Variants in BCAS3 observed in about 807,000 individuals in gnomAD.
BCAS3 encodes BCAS4/BCAS3 fusion.
Under a neutral mutation model 116.1 loss-of-function variants are expected in BCAS3, and 53 were observed. That is an observed-to-expected ratio of 0.46 (90% CI 0.37 to 0.57). BCAS3 has a LOEUF of 0.57. Ranked by LOEUF, BCAS3 falls within the 20% of genes least tolerant of loss-of-function variation. BCAS3 has a pLI of 0.00. For missense variants in BCAS3, 917 were observed against 1,165.4 expected, an observed-to-expected ratio of 0.79 and a Z score of 3.10; for synonymous variants, 391 against 408.2, an observed-to-expected ratio of 0.96 and a Z score of 0.51.
chr17:60,737,038 C>T (rs935645772), intron 5 of BCAS3, among the ~76,000 whole-genome samples: 2 of 152,082 alleles, frequency 1.3e-5, no homozygotes, highest in Admixed American at 6.6e-5. Flanking sequence ...CTCCCAGGTT[C>T]AAGCGGTTCT....
rs1038724802 is a variant in BCAS3, at chr17:61,377,709, C to T, written c.2593+9215C>T. 6.6e-6 allele frequency: 1 copy of T among 152,224 alleles called. No individual in the cohort carries two copies. Among genetic ancestry groups the T allele is most frequent in the Non-Finnish European group, 1.5e-5 (1 of 68,076 alleles). 9.4% of individuals were successfully genotyped at this position (152,224 alleles called of 1,614,324 possible). ...CACTCGGTCTCTCTCTTTTACTCCTCTCCACGATAGCAGTGGCCACACCTC... is the reference window on the plus strand; with the variant it reads ...CACTCGGTCTCTCTCTTTTACTCCTTTCCACGATAGCAGTGGCCACACCTC... On this transcript the variant is annotated intron_variant, in intron 23 of 23. Transcript: ENST00000407086. This position sits in a 1 kb window ranked among gnomAD's most constrained non-coding sequence, Gnocchi z 4.6.
rs56059254 is a variant in BCAS3 at position 61,242,844 on chromosome 17, T to TAA, written c.2426-125475_2426-125474dup. Among the ~76,000 whole-genome samples, 1,103 of 149,498 alleles carry TAA rather than the reference T, an allele frequency of 7.4e-3. 14 individuals carry two copies. Among genetic ancestry groups the TAA allele is most frequent in the African/African-American group, 0.024 (965 of 40,836 alleles). On this transcript the variant is annotated intron_variant, in intron 22 of 23. Coordinates refer to ENST00000407086, the MANE Select transcript of BCAS3 (RefSeq NM_017679.5). ...CCAATTTCTTCCAAATGGAATTCTT[T>TAA]AAAAAAAAACAAAAAAACCCAAAAA...
intron 16 of BCAS3, among the ~76,000 whole-genome samples, chr17:61,022,310 C>T (rs1365261623): frequency 1.3e-5 from 2 of 152,042 alleles, no homozygotes; most frequent in African/African-American, 4.8e-5. Context: ...AGAGCAGTGG[C>T]GTGATCTTGG....
intron 14 of BCAS3, among the ~76,000 whole-genome samples, chr17:60,980,080 C>T (rs2062698738): frequency 6.6e-6 from 1 of 152,066 alleles, no homozygotes; most frequent in African/African-American, 2.4e-5. Context: ...GGTACCAGTT[C>T]CTCCTTGTAC....
In BCAS3 at chr17:61,098,820, C is replaced by T. The variant is rs1454770028; in HGVS notation, c.2425+14256C>T. The stretch of plus-strand genomic sequence containing the variant: ...GTGGATCCTGATTGTTCTGTTACTG[C>T]TTGGCTTAAGATACCCCTGGATGGG... On this transcript the variant is annotated intron_variant, in intron 22 of 23. Coordinates refer to ENST00000407086, the MANE Select transcript of BCAS3 (RefSeq NM_017679.5). The surrounding 1 kb of genome is among the most constrained non-coding windows in gnomAD (Gnocchi z 4.2). Among the ~76,000 whole-genome samples the T allele has an allele frequency of 6.6e-6, 1 of 151,782 alleles. No homozygotes were observed.
chr17:61,247,532 C>G (rs2048064492), intron 22 of BCAS3, among the ~76,000 whole-genome samples: 1 of 152,084 alleles, frequency 6.6e-6, no homozygotes, highest in African/African-American at 2.4e-5. Flanking sequence ...TGTTCTTTGT[C>G]CATTTAGTTA....
chr17:61,147,000 G>A (rs1042593770), intron 22 of BCAS3, among the ~76,000 whole-genome samples: 3 of 150,770 alleles, frequency 2.0e-5, no homozygotes, highest in Non-Finnish European at 4.4e-5. Flanking sequence ...CTGCAGCCTC[G>A]ACCTCCCAGG....
chr17:61,162,042 G>A lies in BCAS3; in HGVS notation c.2425+77478G>A, dbSNP rs1046941038. The stretch of plus-strand genomic sequence containing the variant: ...AATGTAGAGCTGATTTATATTTATA[G>A]GCTGGTTGTAGATTTGGTTGATAGA... On this transcript the variant is annotated intron_variant, in intron 22 of 23. Coordinates refer to ENST00000407086, the MANE Select transcript of BCAS3 (RefSeq NM_017679.5). The surrounding 1 kb of genome is among the most constrained non-coding windows in gnomAD (Gnocchi z 5.6). Among the ~76,000 whole-genome samples the A allele has an allele frequency of 4.6e-5, 7 of 152,184 alleles. No homozygotes were observed. The highest frequency in any genetic ancestry group is 1.7e-4 in the African/African-American group (7 of 41,450).
chr17:60,710,710 T>A (rs7221899), intron 5 of BCAS3, among the ~76,000 whole-genome samples: 2 of 151,716 alleles, frequency 1.3e-5, no homozygotes, highest in East Asian at 3.9e-4. Context: ...GGATTACAGG[T>A]GTGAGCCACC....
Position 60,990,247 on chromosome 17 carries a change from T to G in BCAS3, c.1486+12T>G. The G allele has an allele frequency of 6.2e-7, 1 of 1,610,042 alleles. No individual in the cohort carries two copies. Among genetic ancestry groups the G allele is most frequent in the Non-Finnish European group, 8.5e-7 (1 of 1,176,794 alleles). Reference sequence around the variant, plus strand: ...GTCACCCTTGCATGGTAATTTTCTCTGTCTCCACTGTTATCTTGAATCTTC... The same window carrying G: ...GTCACCCTTGCATGGTAATTTTCTCGGTCTCCACTGTTATCTTGAATCTTC... On this transcript the variant is annotated intron_variant, in intron 15 of 23. Transcript: ENST00000407086. This position sits in a 1 kb window ranked among gnomAD's most constrained non-coding sequence, Gnocchi z 5.1.
intron 7 of BCAS3, among the ~76,000 whole-genome samples, chr17:60,841,912 G>T (rs565286295): frequency 6.6e-6 from 1 of 152,204 alleles, no homozygotes; most frequent in South Asian, 2.1e-4. Flanking sequence ...TAGTGATGGT[G>T]TTTGGGGAGA....
At chr17:60,799,708 CTTTTTTTTT>C (rs67510415) in intron 6 of BCAS3, among the ~76,000 whole-genome samples, 3 of 49,838 alleles carry the variant, frequency 6.0e-5, no homozygotes, top group African/African-American at 1.6e-4. Context: ...TTTTTCTTTT[CTTTTTTTTT>C]TTTTTTTTTT....
At chr17:61,090,057 A>G (rs995732561) in intron 22 of BCAS3, among the ~76,000 whole-genome samples, 5 of 152,118 alleles carry the variant, frequency 3.3e-5, no homozygotes, top group Admixed American at 2.0e-4. Context: ...CTTCATAATC[A>G]TGGTCTTGAA....
rs960274186 is a variant in BCAS3, at chr17:61,136,733, A to G, written c.2425+52169A>G. Among the ~76,000 whole-genome samples the G allele has an allele frequency of 1.8e-4, 27 of 152,022 alleles. No homozygotes were observed. The highest frequency in any genetic ancestry group is 3.4e-4 in the Non-Finnish European group (23 of 68,008). ...TGCCACCACACGCAGCTAATTTTGC[A>G]TTTTTAGTAGAGATGGGGTTTTGCC... On this transcript the variant is annotated intron_variant, in intron 22 of 23. Coordinates refer to ENST00000407086, the MANE Select transcript of BCAS3 (RefSeq NM_017679.5). The surrounding 1 kb of genome is among the most constrained non-coding windows in gnomAD (Gnocchi z 4.4).
intron 4 of BCAS3, among the ~76,000 whole-genome samples, chr17:60,704,753 G>A (rs2036887799): frequency 1.3e-5 from 2 of 151,634 alleles, no homozygotes; most frequent in South Asian, 4.2e-4. Context: ...CAGGAGAATC[G>A]CTTGGACCAG....
At chr17:60,782,918 T>C (rs570878581) in intron 6 of BCAS3, among the ~76,000 whole-genome samples, 200 of 152,186 alleles carry the variant, frequency 1.3e-3, no homozygotes, top group African/African-American at 4.4e-3. Flanking sequence ...TAAGGCTTAC[T>C]CTGTCATGCC....
At chr17:60,715,514 A>C (rs2038487039) in intron 5 of BCAS3, among the ~76,000 whole-genome samples, 1 of 151,958 alleles carries the variant, frequency 6.6e-6, no homozygotes, top group Admixed American at 6.6e-5. Context: ...TTTGAGATGG[A>C]GTCTCTCTGT....
chr17:61,271,159 G>A (rs534506899), intron 22 of BCAS3, among the ~76,000 whole-genome samples: 3 of 121,968 alleles, frequency 2.5e-5, no homozygotes, highest in Admixed American at 9.9e-5. Context: ...ATGGAGTCTC[G>A]CTCTGTTCCC....
rs1226414020 is a variant in BCAS3 at position 61,208,965 on chromosome 17, G to A, written c.2425+124401G>A. Among the ~76,000 whole-genome samples, 1 of 151,888 alleles carries A rather than the reference G, an allele frequency of 6.6e-6. No individual in the cohort carries two copies. Among genetic ancestry groups the A allele is most frequent in the African/African-American group, 2.4e-5 (1 of 41,376 alleles). On this transcript the variant is annotated intron_variant, in intron 22 of 23. Transcript: ENST00000407086. This position sits in a 1 kb window ranked among gnomAD's most constrained non-coding sequence, Gnocchi z 4.5. ...GTACAGTTTCAGCAAAAGACACTCA[G>A]AATTATACCTCTGGTTGGTTCAAAA...
Sources: allele counts gnomAD v4.1 joint callset (sites outside exome capture counted in the v4.1 genomes callset), GRCh38; gene constraint gnomAD v4.1.1; non-coding constraint Gnocchi (gnomAD v3.1); transcripts MANE v1.5; gene names NCBI Gene and HGNC (gene_info 2026-07-23, HGNC 2026-07-21).